The following CAMSAP1 variants were observed in gnomAD, a reference collection of about 807,000 sequenced individuals.
The protein encoded by CAMSAP1 is calmodulin regulated spectrin associated protein 1, also known as calmodulin-regulated spectrin-associated protein 1.
A neutral mutation model predicts 143.5 loss-of-function variants in CAMSAP1; 58 were observed. That is an observed-to-expected ratio of 0.40 (90% CI 0.33 to 0.50). CAMSAP1 has a LOEUF of 0.50. CAMSAP1 is among the 20% of genes least tolerant of loss of function. The pLI is 0.45. For missense variants in CAMSAP1, 1,969 were observed against 2,115.7 expected (o/e 0.93, Z 1.36); for synonymous variants, 945 against 859.3 (o/e 1.10, Z -1.74).
chr9:135,818,759 C>T lies in CAMSAP1; in HGVS notation c.3960-143G>A, dbSNP rs1835334122. ...GTGGCCAGCCTCCACAAGCGGGACACAGAGGCTGCAAAGGCAGTCCTGCAG... is the reference window on the plus strand; with the variant it reads ...GTGGCCAGCCTCCACAAGCGGGACATAGAGGCTGCAAAGGCAGTCCTGCAG... On this transcript the variant is annotated intron_variant, in intron 12 of 16. Coordinates refer to ENST00000389532, the MANE Select transcript of CAMSAP1 (RefSeq NM_015447.4). The surrounding 1 kb of genome is among the most constrained non-coding windows in gnomAD (Gnocchi z 7.7). The T allele has an allele frequency of 8.7e-7, 1 of 1,154,916 alleles. No individual in the cohort carries two copies. The highest frequency in any genetic ancestry group is 2.6e-5 in the East Asian group (1 of 38,790). 71.5% of individuals were successfully genotyped at this position (1,154,916 alleles called of 1,614,324 possible).
intron 1 of CAMSAP1, among the ~76,000 whole-genome samples, chr9:135,890,412 C>A (rs556313247): frequency 6.6e-6 from 1 of 152,234 alleles, no homozygotes; most frequent in South Asian, 2.1e-4. Flanking sequence ...AGAACCCGTC[C>A]CTCTTCCTGG....
intron 7 of CAMSAP1, among the ~76,000 whole-genome samples, chr9:135,846,972 C>T (rs901672520): frequency 1.3e-5 from 2 of 152,040 alleles, no homozygotes; most frequent in Non-Finnish European, 2.9e-5. Context: ...GACAGTGTGG[C>T]GATTCCTCAA....
Position 135,820,810 on chromosome 9 carries a change from G to A in CAMSAP1, c.3822+29C>T, listed in dbSNP as rs1277866937. On this transcript the variant is annotated intron_variant, in intron 11 of 16. Transcript: ENST00000389532. This position sits in a 1 kb window ranked among gnomAD's most constrained non-coding sequence, Gnocchi z 4.4. Reference sequence around the variant, plus strand: ...CGTGGGGTGGCAACACATCACGAGTGCCTGAAACAGATGCTACCAATCCCT... The same window carrying A: ...CGTGGGGTGGCAACACATCACGAGTACCTGAAACAGATGCTACCAATCCCT... The A allele has an allele frequency of 6.2e-7, 1 of 1,606,384 alleles. No individual in the cohort carries two copies. The highest frequency in any genetic ancestry group is 1.7e-4 in the Middle Eastern group (1 of 6,044).
At chr9:135,813,488 G>A (rs897998197) in intron 16 of CAMSAP1, among the ~76,000 whole-genome samples, 2 of 152,176 alleles carry the variant, frequency 1.3e-5, no homozygotes, top group Admixed American at 1.3e-4. Flanking sequence ...AACAGAATTA[G>A]ATGCCAAAAA....
intron 4 of CAMSAP1, among the ~76,000 whole-genome samples, chr9:135,863,650 A>AAC (rs938531392): frequency 6.6e-6 from 1 of 152,202 alleles, no homozygotes; most frequent in African/African-American, 2.4e-5. Context: ...TTTAGCAAAA[A>AAC]ACATTTGTAA....
At chr9:135,874,538 T>C (rs1837674748) in intron 3 of CAMSAP1, among the ~76,000 whole-genome samples, 1 of 145,138 alleles carries the variant, frequency 6.9e-6, no homozygotes, top group Non-Finnish European at 1.5e-5. Context: ...GAAAAAAAAA[T>C]TACAACCAAC....
Position 135,862,549 on chromosome 9 carries a change from C to T in CAMSAP1, c.726G>A (p.Glu242=), listed in dbSNP as rs569879310. The T allele has an allele frequency of 2.4e-5, 38 of 1,551,704 alleles. No individual in the cohort carries two copies. The African/African-American group carries it at 4.8e-4, about 20-fold the overall frequency. The part of the protein sequence containing the change: ...ARQSPYFPLL[E]DLMRDGSDGA... ...CATCACTGCCGTCTCTCATCAAATC[C>T]TCCAACAACGGGAAGTAGGGTGACT... is the stretch of plus-strand genomic sequence containing the variant. Residue 242 remains glutamate (E), a synonymous_variant, in exon 5 of 17, where the codon GAG becomes GAA. Transcript: ENST00000389532.
intron 5 of CAMSAP1, among the ~76,000 whole-genome samples, chr9:135,851,866 A>G (rs374699121): frequency 5.9e-5 from 9 of 152,166 alleles, no homozygotes; most frequent in African/African-American, 2.2e-4. Flanking sequence ...GCGTGTACAG[A>G]CGGGTGTTGC....
chr9:135,863,234 T>A (rs959587389), intron 4 of CAMSAP1, among the ~76,000 whole-genome samples: 3 of 152,138 alleles, frequency 2.0e-5, no homozygotes. Flanking sequence ...GGATTCCATG[T>A]TTCTGCATTT....
intron 1 of CAMSAP1, among the ~76,000 whole-genome samples, chr9:135,899,995 A>G (rs1838570322): frequency 6.6e-6 from 1 of 152,148 alleles, no homozygotes; most frequent in Non-Finnish European, 1.5e-5. Flanking sequence ...AGGGCCCCAC[A>G]GTTCACAATG....
chr9:135,843,356 A>G (rs1485462019), intron 7 of CAMSAP1, among the ~76,000 whole-genome samples: 1 of 152,154 alleles, frequency 6.6e-6, no homozygotes, highest in Non-Finnish European at 1.5e-5. Flanking sequence ...GACAGACTGC[A>G]AATTGGATAA....
rs117011591 is a variant in CAMSAP1 at position 135,906,181 on chromosome 9, C to G, written c.160+819G>C. 8.4e-4 allele frequency among the ~76,000 whole-genome samples: 128 copies of G among 152,346 alleles called. 1 individual carries two copies. In the East Asian group the frequency reaches 0.017, roughly 21 times the overall value. Reference sequence around the variant, plus strand: ...GCGTTTTCCAAACTGGTCAACTGAACTCTTCTCTGGAAGGGCTGTCTCCTT... The same window carrying G: ...GCGTTTTCCAAACTGGTCAACTGAAGTCTTCTCTGGAAGGGCTGTCTCCTT... On this transcript the variant is annotated intron_variant, in intron 1 of 16. Transcript: ENST00000389532.
intron 7 of CAMSAP1, among the ~76,000 whole-genome samples, chr9:135,845,968 T>A (rs1031066228): frequency 1.3e-5 from 2 of 148,984 alleles, no homozygotes; most frequent in Non-Finnish European, 3.0e-5. Flanking sequence ...TTCAATGCTA[T>A]CCCCATCAAA....
intron 1 of CAMSAP1, among the ~76,000 whole-genome samples, chr9:135,884,397 T>C (rs967321841): frequency 6.6e-6 from 1 of 152,114 alleles, no homozygotes; most frequent in Non-Finnish European, 1.5e-5. Flanking sequence ...CCTTCACTAT[T>C]TTCCTGAGCC....
At chr9:135,881,571 A>G in intron 3 of CAMSAP1, 62 bp downstream of exon 3, 1 of 1,530,744 alleles carries the variant, frequency 6.5e-7, no homozygotes, top group Non-Finnish European at 8.8e-7. Flanking sequence ...TGCTGCTCTC[A>G]AGTGAAAAGG....
At chr9:135,843,568 G>A (rs1347668246) in intron 7 of CAMSAP1, among the ~76,000 whole-genome samples, 1 of 151,902 alleles carries the variant, frequency 6.6e-6, no homozygotes, top group East Asian at 1.9e-4. Flanking sequence ...ATGGTAAAGG[G>A]ATCAATGCAA....
chr9:135,821,258 G>A lies in CAMSAP1; in HGVS notation c.3403C>T (p.Pro1135Ser), dbSNP rs974270840. Residue 1135 changes from proline to serine, a missense_variant, in exon 11 of 17, where the codon CCC (proline) becomes TCC (serine). Physicochemically the swap from Pro to Ser is moderately conservative, Grantham distance 74. Around this residue, in one of 4 missense-constraint regions of CAMSAP1, gnomAD observed 1,390 missense variants for 1,420.8 expected, o/e 0.98. Coordinates refer to ENST00000389532, the MANE Select transcript of CAMSAP1 (RefSeq NM_015447.4). The surrounding 1 kb of genome is among the most constrained non-coding windows in gnomAD (Gnocchi z 4.6). ...PSVETLPHLR[P>S]FPASSHPRTP... ...CGAGGGTGGCTGCTGGCAGGGAAGG[G>A]TCTCAAGTGCGGGAGCGTCTCTACA... 1 of 1,608,916 alleles carries A rather than the reference G, an allele frequency of 6.2e-7. No homozygotes were observed. The highest frequency in any genetic ancestry group is 8.5e-7 in the Non-Finnish European group (1 of 1,179,806).
chr9:135,888,501 C>G (rs547886422), intron 1 of CAMSAP1, among the ~76,000 whole-genome samples: 2 of 152,172 alleles, frequency 1.3e-5, no homozygotes, highest in African/African-American at 2.4e-5. Context: ...AAAGACCAGG[C>G]CACTGCAGTG....
At position 135,820,222 on chromosome 9, in the gene CAMSAP1, G is replaced by C. The variant is rs368986039; in HGVS notation, c.3822+617C>G. 5.5e-4 allele frequency among the ~76,000 whole-genome samples: 83 copies of C among 152,224 alleles called. No individual in the cohort carries two copies. The highest frequency in any genetic ancestry group is 3.4e-3 in the Middle Eastern group (1 of 294). Reference sequence around the variant, plus strand: ...GTGTATCAAAATCTATCTAAACATTGAAAAACTACCACGAAAACATGGTCT... The same window carrying C: ...GTGTATCAAAATCTATCTAAACATTCAAAAACTACCACGAAAACATGGTCT... On this transcript the variant is annotated intron_variant, in intron 11 of 16. Transcript: ENST00000389532. The surrounding 1 kb of genome is among the most constrained non-coding windows in gnomAD (Gnocchi z 4.4).
Sources: gnomAD v4.1 joint callset for allele counts (sites outside exome capture counted in the v4.1 genomes callset) on GRCh38, gnomAD v4.1.1 for gene constraint, gnomAD v4.1.1 regional missense constraint, Gnocchi (gnomAD v3.1) non-coding constraint, MANE v1.5 for transcripts, NCBI Gene and HGNC (gene_info 2026-07-23, HGNC 2026-07-21) for gene names.